The following SIM2 variants were observed in gnomAD, a reference collection of about 807,000 sequenced individuals.
SIM2 encodes single-minded homolog 2.
A neutral mutation model predicts 64.8 loss-of-function variants in SIM2; 28 were observed. The ratio of observed to expected loss-of-function variants is 0.43; its 90% CI spans 0.32 to 0.59. The LOEUF (loss-of-function observed/expected upper bound fraction) is 0.59, where lower values mean the gene tolerates loss of function less well. SIM2 is among the 20% of genes least tolerant of loss of function. The pLI is 0.07. For synonymous variants in SIM2, 408 were observed against 391.1 expected (o/e 1.04, Z -0.51); for missense variants, 847 against 871.4 (o/e 0.97, Z 0.35).
chr21:36,703,346 C>T (rs1008387706), intron 1 of SIM2, among the ~76,000 whole-genome samples: 2 of 152,144 alleles, frequency 1.3e-5, no homozygotes, highest in Non-Finnish European at 2.9e-5. Flanking sequence ...GCCTTGGTCT[C>T]CTTATCTGTA....
At chr21:36,717,059 C>T (rs555311028) in intron 3 of SIM2, among the ~76,000 whole-genome samples, 11 of 152,260 alleles carry the variant, frequency 7.2e-5, no homozygotes, top group African/African-American at 1.4e-4. Flanking sequence ...GGAGTTTTCC[C>T]GTTCGTTTTG....
intron 9 of SIM2, among the ~76,000 whole-genome samples, chr21:36,744,311 CAAAAAA>C (rs60354140): frequency 8.9e-4 from 37 of 41,788 alleles, no homozygotes; most frequent in Admixed American, 5.6e-3. Flanking sequence ...CACATTATGA[CAAAAAA>C]AAAAAAAAAA....
chr21:36,736,711 ACTTC>A (rs1259579888), intron 7 of SIM2, among the ~76,000 whole-genome samples: 2 of 141,556 alleles, frequency 1.4e-5, no homozygotes, highest in Admixed American at 7.2e-5. Context: ...CCCAGAACTA[ACTTC>A]CTTCCCTTCC....
chr21:36,708,978 T>G (rs2088630988), intron 1 of SIM2, among the ~76,000 whole-genome samples, 190 bp from the exon 2 acceptor site: 1 of 151,908 alleles, frequency 6.6e-6, no homozygotes, highest in Non-Finnish European at 1.5e-5. Context: ...CAGCCTTTTC[T>G]TTTTAACAGA....
At chr21:36,733,793 CCT>C (rs1421005181) in intron 7 of SIM2, among the ~76,000 whole-genome samples, 1 of 152,040 alleles carries the variant, frequency 6.6e-6, no homozygotes, top group African/African-American at 2.4e-5. Flanking sequence ...AATCTCCTGA[CCT>C]CGTGATCCGC....
At chr21:36,737,506 G>A (rs1485650751) in intron 7 of SIM2, among the ~76,000 whole-genome samples, 1 of 152,240 alleles carries the variant, frequency 6.6e-6, no homozygotes, top group African/African-American at 2.4e-5. Flanking sequence ...GTGGAGAAGG[G>A]ATCAGTGTCA....
In SIM2 at chr21:36,741,796, C is replaced by T. The variant is rs762530474; in HGVS notation, c.930C>T (p.Tyr310=). 2.9e-5 allele frequency: 47 copies of T among 1,612,266 alleles called. No homozygotes were observed. The highest frequency in any genetic ancestry group is 6.7e-5 in the Admixed American group (4 of 59,886). ...GCGGCTGGGTGTGGGTGCAGAGCTA[C>T]GCCACCGTGGTGCACAACAGCCGCT... is the stretch of plus-strand genomic sequence containing the variant. ...KRGGWVWVQS[Y]ATVVHNSRSS... The change falls in exon 8 of 11, where the codon TAC becomes TAT. Residue 310 remains tyrosine, a synonymous_variant. Transcript: ENST00000290399.
intron 3 of SIM2, among the ~76,000 whole-genome samples, chr21:36,717,893 A>G (rs2088767753): frequency 6.6e-6 from 1 of 152,194 alleles, no homozygotes; most frequent in African/African-American, 2.4e-5. Flanking sequence ...AACAGGAATG[A>G]CTCGAAAGAA....
At chr21:36,708,424 T>C (rs2088620075) in intron 1 of SIM2, among the ~76,000 whole-genome samples, 1 of 152,196 alleles carries the variant, frequency 6.6e-6, no homozygotes, top group South Asian at 2.1e-4. Flanking sequence ...AGGAGGCCTG[T>C]TGAGCGGAGG....
At chr21:36,701,110 C>G (rs2123402054) in intron 1 of SIM2, among the ~76,000 whole-genome samples, 1 of 152,324 alleles carries the variant, frequency 6.6e-6, no homozygotes, top group South Asian at 2.1e-4. Flanking sequence ...TGCTGGGAGG[C>G]GCGCTGCTCA....
intron 3 of SIM2, among the ~76,000 whole-genome samples, chr21:36,715,323 T>C (rs1346474670): frequency 6.6e-6 from 1 of 152,220 alleles, no homozygotes; most frequent in Non-Finnish European, 1.5e-5. Context: ...TAAAATAAAG[T>C]ATTGAATAGG....
chr21:36,737,973 A>AAAAAAAAAAAAAAAAAAAAAGC (rs1555877008), intron 7 of SIM2, among the ~76,000 whole-genome samples: 4 of 120,346 alleles, frequency 3.3e-5, no homozygotes, highest in Admixed American at 8.2e-5. Flanking sequence ...AAAAAAAAAA[A>AAAAAAAAAAAAAAAAAAAAAGC]AAAAAAAAAG....
At chr21:36,741,943 C>A in intron 8 of SIM2, 79 bp downstream of exon 8, 1 of 1,253,338 alleles carries the variant, frequency 8.0e-7, no homozygotes, top group Non-Finnish European at 1.1e-6. Context: ...TAAGCACCAT[C>A]TCTCTTTCTC....
intron 1 of SIM2, among the ~76,000 whole-genome samples, chr21:36,700,587 C>G (rs1356922775): frequency 6.6e-6 from 1 of 151,952 alleles, no homozygotes; most frequent in South Asian, 2.1e-4. Context: ...CTTTTTGTCT[C>G]TTCTGGAGGA....
At chr21:36,734,892 C>T (rs1321702665) in intron 7 of SIM2, among the ~76,000 whole-genome samples, 1 of 152,204 alleles carries the variant, frequency 6.6e-6, no homozygotes, top group African/African-American at 2.4e-5. Flanking sequence ...CTCTCCATCC[C>T]CAGGGCTGGG....
In SIM2 at chr21:36,699,293, C is replaced by T. The variant is rs2088447742; in HGVS notation, c.-454C>T. On this transcript the variant is annotated 5_prime_UTR_variant, in exon 1 of 11. Transcript: ENST00000290399. The surrounding 1 kb of genome is among the most constrained non-coding windows in gnomAD (Gnocchi z 5.6). ...CTCGCTCCCCTCCGCTGGGCTCCCG[C>T]TCCATGGCTCCGCGGCCACCGCCGC... The T allele has an allele frequency of 6.6e-6, 1 of 151,824 alleles. No homozygotes were observed. Among genetic ancestry groups the T allele is most frequent in the Non-Finnish European group, 1.5e-5 (1 of 68,080 alleles). 9.4% of individuals were successfully genotyped at this position (151,824 alleles called of 1,614,324 possible).
At chr21:36,729,392 C>A (rs184369078) in intron 6 of SIM2, among the ~76,000 whole-genome samples, 2 of 152,156 alleles carry the variant, frequency 1.3e-5, no homozygotes, top group African/African-American at 2.4e-5. Context: ...CCCTCTCCCC[C>A]ACCACTGCAA....
At chr21:36,722,195 G>A (rs145456058) in intron 4 of SIM2, among the ~76,000 whole-genome samples, 200 of 152,318 alleles carry the variant, frequency 1.3e-3, no homozygotes, top group Non-Finnish European at 2.1e-3. Context: ...GGCTGGGGCA[G>A]GCAGCCATGT....
chr21:36,701,043 C>G (rs1368520131), intron 1 of SIM2, among the ~76,000 whole-genome samples: 1 of 152,234 alleles, frequency 6.6e-6, no homozygotes, highest in African/African-American at 2.4e-5. Flanking sequence ...GCCGCGTCTT[C>G]CAGAGCCTCT....
Sources: gnomAD v4.1 joint callset for allele counts (sites outside exome capture counted in the v4.1 genomes callset) on GRCh38, gnomAD v4.1.1 for gene constraint, Gnocchi (gnomAD v3.1) non-coding constraint, MANE v1.5 for transcripts, NCBI Gene and HGNC (gene_info 2026-07-23, HGNC 2026-07-21) for gene names.